The following TRPM3 variants were observed in gnomAD, a reference collection of about 807,000 sequenced individuals.
The protein encoded by TRPM3 is long transient receptor potential channel 3.
Under a neutral mutation model 181.2 loss-of-function variants are expected in TRPM3, and 77 were observed. The observed-to-expected ratio is 0.42, with a 90% CI of 0.35 to 0.51. The LOEUF (loss-of-function observed/expected upper bound fraction) is 0.51, where lower values mean the gene tolerates loss of function less well. TRPM3 is among the 20% of genes least tolerant of loss of function. TRPM3 has a pLI of 0.01. For missense variants in TRPM3, 1,759 were observed against 2,196.7 expected, an observed-to-expected ratio of 0.80 and a Z score of 3.98; for synonymous variants, 745 against 796.4, an observed-to-expected ratio of 0.94 and a Z score of 1.09.
At chr9:70,739,444 A>T in intron 8 of TRPM3, among the ~76,000 whole-genome samples, 1 of 152,188 alleles carries the variant, frequency 6.6e-6, no homozygotes, top group East Asian at 1.9e-4. Context: ...TATGATTAGA[A>T]CTCTCAGCAA....
intron 1 of TRPM3, among the ~76,000 whole-genome samples, chr9:71,420,742 AG>A (rs2093727671): frequency 2.0e-5 from 2 of 99,450 alleles, no homozygotes; most frequent in African/African-American, 9.0e-5. Context: ...AGAGAAAGAG[AG>A]AGAAAGAGAG....
In TRPM3 at chr9:71,088,251, G is replaced by A. The variant is rs149867519; in HGVS notation, c.177+32927C>T. ...GAGTACAGAACACTTGATTATACCC[G>A]AAACGAGAAAATGGATTTTGGGATG... On this transcript the variant is annotated intron_variant, in intron 1 of 25. Coordinates refer to ENST00000677713, the MANE Select transcript of TRPM3 (RefSeq NM_001366145.2). 1.1e-3 allele frequency among the ~76,000 whole-genome samples: 174 copies of A among 152,180 alleles called. 1 individual carries two copies. Among genetic ancestry groups the A allele is most frequent in the Admixed American group, 3.1e-3 (47 of 15,252 alleles).
chr9:71,113,261 G>T lies in TRPM3; in HGVS notation c.177+7917C>A, dbSNP rs865952349. On this transcript the variant is annotated intron_variant, in intron 1 of 25. Transcript: ENST00000677713. ...GGGAACTAGGAATAGACAGAAGGGG[G>T]TGGAACAGAGATATATTTATGAGGA... is the stretch of plus-strand genomic sequence containing the variant. 2.6e-5 allele frequency among the ~76,000 whole-genome samples: 4 copies of T among 152,240 alleles called. No individual in the cohort carries two copies. In the South Asian group the frequency reaches 8.3e-4, roughly 32 times the overall value.
At chr9:70,745,646 G>A (rs1009644073) in intron 8 of TRPM3, among the ~76,000 whole-genome samples, 1 of 152,108 alleles carries the variant, frequency 6.6e-6, no homozygotes. Context: ...GAGCCATTTG[G>A]TGTAAAAAAG....
At chr9:70,665,528 T>C (rs1315249475) in intron 9 of TRPM3, among the ~76,000 whole-genome samples, 1 of 152,186 alleles carries the variant, frequency 6.6e-6, no homozygotes, top group African/African-American at 2.4e-5. Context: ...CACGTTCTCT[T>C]TATTGTGCCC....
intron 22 of TRPM3, among the ~76,000 whole-genome samples, chr9:70,577,034 C>T (rs1040197750): frequency 2.0e-5 from 3 of 152,150 alleles, no homozygotes; most frequent in African/African-American, 7.2e-5. Flanking sequence ...ATTGTGTGCC[C>T]AAGTCCTTGC....
intron 1 of TRPM3, among the ~76,000 whole-genome samples, chr9:71,041,597 C>A (rs184133775): frequency 6.6e-6 from 1 of 152,102 alleles, no homozygotes; most frequent in Non-Finnish European, 1.5e-5. Context: ...ATTTCCCACT[C>A]GACCCAGCTC....
At chr9:70,642,042 G>A (rs1437934260) in intron 9 of TRPM3, among the ~76,000 whole-genome samples, 2 of 152,326 alleles carry the variant, frequency 1.3e-5, no homozygotes, top group South Asian at 4.1e-4. Context: ...CTGAGGAAGA[G>A]ACACCCCTAA....
chr9:71,151,063 T>A (rs2075709813), intron 1 of TRPM3, among the ~76,000 whole-genome samples: 1 of 152,162 alleles, frequency 6.6e-6, no homozygotes, highest in Non-Finnish European at 1.5e-5. Flanking sequence ...ACCAAATAAA[T>A]ACCAGTTAAA....
chr9:71,223,933 C>A (rs181731100), intron 1 of TRPM3, among the ~76,000 whole-genome samples: 99 of 152,368 alleles, frequency 6.5e-4, no homozygotes, highest in African/African-American at 2.3e-3. Flanking sequence ...TGCACAGCCT[C>A]TCTGGACCTG....
At chr9:70,686,998 T>C (rs931753469) in intron 8 of TRPM3, among the ~76,000 whole-genome samples, 1 of 151,580 alleles carries the variant, frequency 6.6e-6, no homozygotes, top group African/African-American at 2.4e-5. Context: ...TTTTTGTATG[T>C]TTTTTAGAGA....
At chr9:71,371,684 A>C (rs1450178810) in intron 1 of TRPM3, among the ~76,000 whole-genome samples, 1 of 152,238 alleles carries the variant, frequency 6.6e-6, no homozygotes, top group Non-Finnish European at 1.5e-5. Context: ...TTATAAACTT[A>C]GTTGGTAAAG....
chr9:70,650,259 G>A (rs1189728749), intron 9 of TRPM3, among the ~76,000 whole-genome samples: 1 of 152,008 alleles, frequency 6.6e-6, no homozygotes, highest in Non-Finnish European at 1.5e-5. Context: ...AAACCACAGG[G>A]GCATGCAATT....
At chr9:70,760,253 G>A (rs2077863750) in intron 8 of TRPM3, among the ~76,000 whole-genome samples, 1 of 151,658 alleles carries the variant, frequency 6.6e-6, no homozygotes, top group Non-Finnish European at 1.5e-5. Context: ...GAAATGTATA[G>A]TCCTGGTAAG....
chr9:71,094,235 G>T lies in TRPM3; in HGVS notation c.177+26943C>A, dbSNP rs188862111. On this transcript the variant is annotated intron_variant, in intron 1 of 25. Transcript: ENST00000677713. ...TAACAAACCTGCACGTTGTGTGCAG[G>T]CATCCCAGAGCTTAAAGTAAAATTT... 2.0e-5 allele frequency among the ~76,000 whole-genome samples: 3 copies of T among 151,702 alleles called. No individual in the cohort carries two copies. In the East Asian group the frequency reaches 5.9e-4, roughly 30 times the overall value.
At chr9:70,912,785 T>C (rs2096551412) in intron 1 of TRPM3, among the ~76,000 whole-genome samples, 1 of 152,144 alleles carries the variant, frequency 6.6e-6, no homozygotes, top group Non-Finnish European at 1.5e-5. Context: ...TTCATGGTAT[T>C]TTAGATTTGC....
At chr9:70,976,209 T>C (rs2097301189) in intron 1 of TRPM3, among the ~76,000 whole-genome samples, 1 of 151,996 alleles carries the variant, frequency 6.6e-6, no homozygotes, top group African/African-American at 2.4e-5. Context: ...GCATGACACA[T>C]GGGTCAAGAA....
chr9:70,781,412 G>A (rs2082436228), intron 7 of TRPM3, among the ~76,000 whole-genome samples: 1 of 151,516 alleles, frequency 6.6e-6, no homozygotes, highest in Non-Finnish European at 1.5e-5. Context: ...GGTAGGAAAA[G>A]GGAAAGAATC....
At position 71,238,859 on chromosome 9, in the gene TRPM3, C is replaced by A. The variant is rs188632502; in HGVS notation, c.183+207794G>T. 3.3e-3 allele frequency among the ~76,000 whole-genome samples: 506 copies of A among 152,294 alleles called. 1 individual carries two copies. Among genetic ancestry groups the A allele is most frequent in the African/African-American group, 0.012 (480 of 41,558 alleles). ...CTCTCCCTAGTACACCTCAAGAATA[C>A]TCATGTTAGTTTTGGATAATACTTT... On this transcript the variant is annotated intron_variant, in intron 1 of 24. Transcript: ENST00000357533.
Sources: gnomAD v4.1 joint callset for allele counts (sites outside exome capture counted in the v4.1 genomes callset) on GRCh38, gnomAD v4.1.1 for gene constraint, MANE v1.5 for transcripts, NCBI Gene and HGNC (gene_info 2026-07-23, HGNC 2026-07-21) for gene names.